EML6: variants seen among roughly 807,000 people sequenced by gnomAD.
EML6 encodes the protein EMAP like 6, also known as echinoderm microtubule-associated protein-like 6.
In EML6, 154 loss-of-function variants were observed where a neutral mutation model predicts 240.1. The ratio of observed to expected loss-of-function variants is 0.64; its 90% CI spans 0.56 to 0.73. The LOEUF (loss-of-function observed/expected upper bound fraction) is 0.73. EML6 is among the 30% of genes least tolerant of loss of function. The pLI, the probability that EML6 is intolerant of heterozygous loss-of-function variation, is 0.00. For synonymous variants in EML6, 1,148 were observed against 899.0 expected, an observed-to-expected ratio of 1.28 and a Z score of -4.95; for missense variants, 2,964 against 2,474.6, an observed-to-expected ratio of 1.20 and a Z score of -4.20.
chr2:54,811,056 C>T (rs572093665), intron 2 of EML6, among the ~76,000 whole-genome samples: 33 of 152,190 alleles, frequency 2.2e-4, no homozygotes, highest in Admixed American at 7.2e-4. Flanking sequence ...AAGCATTTCC[C>T]CCTCTGTTCT....
At chr2:54,845,363 T>C (rs774789235) in intron 8 of EML6, among the ~76,000 whole-genome samples, 23 of 152,246 alleles carry the variant, frequency 1.5e-4, no homozygotes, top group Non-Finnish European at 2.5e-4. Flanking sequence ...GTGAAACTCA[T>C]ACCCATCCAG....
intron 26 of EML6, among the ~76,000 whole-genome samples, chr2:54,926,768 A>G (rs1674569004): frequency 6.6e-6 from 1 of 151,878 alleles, no homozygotes. Context: ...GTGGCCCTGA[A>G]TTTTTTCCTC....
rs1327473448 is a variant in EML6 at position 54,971,455 on chromosome 2, A to G, written c.*1360A>G. On this transcript the variant is annotated 3_prime_UTR_variant, in exon 42 of 42. Coordinates refer to ENST00000356458, the MANE Select transcript of EML6 (RefSeq NM_001039753.4). ...GTCAGTGAACGAAAATTCTAGACCTACAGTTACTGGCTACTTGCATTTGTC... is the reference window on the plus strand; with the variant it reads ...GTCAGTGAACGAAAATTCTAGACCTGCAGTTACTGGCTACTTGCATTTGTC... 6.6e-6 allele frequency: 1 copy of G among 152,208 alleles called. No homozygotes were observed. The highest frequency in any genetic ancestry group is 1.5e-5 in the Non-Finnish European group (1 of 68,032). 9.4% of individuals were successfully genotyped at this position (152,208 alleles called of 1,614,324 possible).
chr2:54,742,143 T>A (rs1683670859), intron 2 of EML6, among the ~76,000 whole-genome samples: 1 of 152,202 alleles, frequency 6.6e-6, no homozygotes, highest in Non-Finnish European at 1.5e-5. Flanking sequence ...GCACTGGAAT[T>A]AGTGTTCTGT....
intron 2 of EML6, 113 bp from the exon 3 acceptor site, chr2:54,813,119 C>G: frequency 1.3e-6 from 1 of 762,312 alleles, no homozygotes; most frequent in Non-Finnish European, 2.1e-6. Context: ...AGTTCAGACT[C>G]TTTCTCTTGA....
At chr2:54,838,858 C>T (rs1027442198) in intron 7 of EML6, among the ~76,000 whole-genome samples, 1 of 152,202 alleles carries the variant, frequency 6.6e-6, no homozygotes. Flanking sequence ...CTTCAGTTCA[C>T]AGTGTCAAAA....
intron 24 of EML6, among the ~76,000 whole-genome samples, chr2:54,906,576 C>T (rs1047222107): frequency 6.6e-6 from 1 of 152,162 alleles, no homozygotes; most frequent in African/African-American, 2.4e-5. Flanking sequence ...TGAAAAGCCA[C>T]CATGCTTCTC....
At chr2:54,800,159 C>T (rs1004375335) in intron 2 of EML6, among the ~76,000 whole-genome samples, 4 of 152,076 alleles carry the variant, frequency 2.6e-5, no homozygotes, top group Non-Finnish European at 5.9e-5. Context: ...GCAGAAGAAT[C>T]GCTTGAACCC....
At chr2:54,896,275 A>T (rs1447731744) in intron 21 of EML6, among the ~76,000 whole-genome samples, 2 of 152,194 alleles carry the variant, frequency 1.3e-5, no homozygotes, top group East Asian at 3.9e-4. Context: ...CCATAAAATG[A>T]ACAAGACAAA....
At chr2:54,934,093 G>A (rs1056274534) in intron 28 of EML6, among the ~76,000 whole-genome samples, 14 of 152,146 alleles carry the variant, frequency 9.2e-5, no homozygotes, top group African/African-American at 2.2e-4. Flanking sequence ...TGCCCTAGCC[G>A]TGTGCGAGTA....
intron 26 of EML6, among the ~76,000 whole-genome samples, chr2:54,924,785 A>G (rs1452803017): frequency 6.6e-6 from 1 of 151,570 alleles, no homozygotes; most frequent in Non-Finnish European, 1.5e-5. Context: ...CTGGTCTCGA[A>G]CTCCTGACCT....
intron 18 of EML6, 56 bp from the exon 19 acceptor site, chr2:54,892,398 T>A: frequency 8.4e-7 from 1 of 1,194,250 alleles, no homozygotes; most frequent in Non-Finnish European, 1.2e-6. Flanking sequence ...TCCTTCTACA[T>A]GCTTATAGGA....
intron 17 of EML6, among the ~76,000 whole-genome samples, chr2:54,883,492 G>A (rs1671951414): frequency 1.3e-5 from 2 of 152,176 alleles, no homozygotes; most frequent in Non-Finnish European, 2.9e-5. Context: ...AGTTCTGAAT[G>A]GACAGTATGG....
intron 28 of EML6, among the ~76,000 whole-genome samples, chr2:54,936,546 A>G (rs1675143327): frequency 1.3e-5 from 2 of 152,224 alleles, no homozygotes; most frequent in Admixed American, 6.5e-5. Context: ...ACTATTACAG[A>G]AATTGGCATA....
At chr2:54,959,634 C>T (rs759162988) in intron 34 of EML6, among the ~76,000 whole-genome samples, 7 of 152,036 alleles carry the variant, frequency 4.6e-5, no homozygotes, top group African/African-American at 1.7e-4. Context: ...TGGTGGTGGG[C>T]GCCTGTAATA....
chr2:54,871,953 A>T (rs1160727571), intron 16 of EML6, among the ~76,000 whole-genome samples: 1 of 152,234 alleles, frequency 6.6e-6, no homozygotes, highest in Non-Finnish European at 1.5e-5. Context: ...CTTAGTCGCA[A>T]ATGTCTGGCA....
At chr2:54,809,514 C>T (rs544409305) in intron 2 of EML6, among the ~76,000 whole-genome samples, 6 of 152,130 alleles carry the variant, frequency 3.9e-5, no homozygotes, top group African/African-American at 1.4e-4. Context: ...GGTTGACTAA[C>T]AGCATGGCTG....
chr2:54,909,957 G>C (rs1388065876), intron 24 of EML6, among the ~76,000 whole-genome samples: 1 of 151,332 alleles, frequency 6.6e-6, no homozygotes, highest in Non-Finnish European at 1.5e-5. Flanking sequence ...TCTTATTTTG[G>C]TATTATTTTT....
In EML6 at chr2:54,970,072, G is replaced by GT; in HGVS notation, c.5855dup (p.Phe1953IlefsTer62). 2 of 1,551,664 alleles carry GT rather than the reference G, an allele frequency of 1.3e-6. No homozygotes were observed. The highest frequency in any genetic ancestry group is 1.7e-6 in the Non-Finnish European group (2 of 1,146,964). On this transcript the variant is annotated frameshift_variant and splice_region_variant, in exon 42 of 42. Coordinates refer to ENST00000356458, the MANE Select transcript of EML6 (RefSeq NM_001039753.4). LOFTEE classifies it high-confidence loss of function. ...TGACTGTTTGATCTGCCTTTTCAGT[G>GT]TATTTGTGTGGCGATGTCTGTAAAA...
Sources: gnomAD v4.1 joint callset for allele counts (sites outside exome capture counted in the v4.1 genomes callset) on GRCh38, gnomAD v4.1.1 for gene constraint, MANE v1.5 for transcripts, NCBI Gene and HGNC (gene_info 2026-07-23, HGNC 2026-07-21) for gene names.